Variants in LIPI observed in about 807,000 individuals in gnomAD.
LIPI encodes lipase I.
LIPI carries 59 observed loss-of-function variants against 50.6 expected under a neutral mutation model. The ratio of observed to expected loss-of-function variants is 1.16; its 90% CI spans 0.94 to 1.45. LIPI has a LOEUF of 1.45. LIPI is among the 40% of genes most tolerant of loss of function. LIPI has a pLI of 0.00. For missense variants in LIPI, 586 were observed against 536.3 expected (o/e 1.09, Z -0.92); for synonymous variants, 203 against 178.2 (o/e 1.14, Z -1.11).
rs757762946 is a variant in LIPI, at chr21:14,108,973, A to G, written c.*20T>C. On this transcript the variant is annotated 3_prime_UTR_variant, in exon 10 of 10. Coordinates refer to ENST00000681601, the MANE Select transcript of LIPI (RefSeq NM_001302998.2). Reference sequence around the variant, plus strand: ...AGTCCATTAATTCACAAGCAAGTGCATTTGATGGAAGAAGGCATCTTATGT... The same window carrying G: ...AGTCCATTAATTCACAAGCAAGTGCGTTTGATGGAAGAAGGCATCTTATGT... 3 of 1,611,238 alleles carry G rather than the reference A, an allele frequency of 1.9e-6. No individual in the cohort carries two copies. The highest frequency in any genetic ancestry group is 2.5e-6 in the Non-Finnish European group (3 of 1,177,880).
Position 14,152,701 on chromosome 21 carries a change from T to C in LIPI, c.1007-17A>G, listed in dbSNP as rs1314000243. The C allele has an allele frequency of 2.4e-6, 3 of 1,233,804 alleles. No individual in the cohort carries two copies. The highest frequency in any genetic ancestry group is 3.6e-6 in the Non-Finnish European group (3 of 840,526). The allele number at this position is 1,233,804 out of a possible 1,614,324, so 76.4% of individuals were successfully genotyped here. A position where few individuals can be genotyped will look rare whatever the true frequency, so the allele number is the denominator to read the frequency against. ...AATAATAGGCTACAAAATAAAAATA[T>C]AGAATACAACTCACATTATTTTTTA... On this transcript the variant is annotated splice_polypyrimidine_tract_variant and intron_variant, in intron 7 of 9. Transcript: ENST00000681601.
intron 2 of LIPI, among the ~76,000 whole-genome samples, chr21:14,186,667 A>G (rs2019467096): frequency 6.6e-6 from 1 of 152,186 alleles, no homozygotes; most frequent in Non-Finnish European, 1.5e-5. Flanking sequence ...CTAATCCCCA[A>G]GGTGATGATA....
chr21:14,150,804 C>T (rs1323059338), intron 8 of LIPI, among the ~76,000 whole-genome samples: 2 of 151,998 alleles, frequency 1.3e-5, no homozygotes, highest in East Asian at 1.9e-4. Flanking sequence ...TGGGTCTTGA[C>T]GAAAGTCAAG....
chr21:14,190,816 C>T (rs187860486), intron 1 of LIPI, among the ~76,000 whole-genome samples: 9 of 152,234 alleles, frequency 5.9e-5, no homozygotes, highest in Admixed American at 3.3e-4. Context: ...CACCTTCTCA[C>T]CACCTGGAAT....
intron 9 of LIPI, among the ~76,000 whole-genome samples, chr21:14,115,632 A>T (rs1195770660): frequency 6.6e-6 from 1 of 152,154 alleles, no homozygotes; most frequent in African/African-American, 2.4e-5. Flanking sequence ...TCTTGGCACC[A>T]CTGAGTAACA....
intron 8 of LIPI, among the ~76,000 whole-genome samples, chr21:14,152,159 G>T (rs183868238): frequency 6.6e-6 from 1 of 151,588 alleles, no homozygotes; most frequent in Non-Finnish European, 1.5e-5. Context: ...GGAGGGCAGC[G>T]GTGCAATCTC....
rs2016294891 is a variant in LIPI at position 14,108,889 on chromosome 21, AC to A, written c.*103del. On this transcript the variant is annotated 3_prime_UTR_variant, in exon 10 of 10. Coordinates refer to ENST00000681601, the MANE Select transcript of LIPI (RefSeq NM_001302998.2). ...AAAATTTTTTCCAAGAAATAGAAAT[AC>A]TTGAATCTCAAATTGAACAGTGCAT... The A allele has an allele frequency of 2.2e-6, 3 of 1,390,120 alleles. No individual in the cohort carries two copies. The South Asian group carries it at 3.8e-5, about 17-fold the overall frequency. 86.1% of individuals were successfully genotyped at this position (1,390,120 alleles called of 1,614,324 possible).
intron 1 of LIPI, among the ~76,000 whole-genome samples, chr21:14,193,373 G>C (rs1358671161): frequency 2.0e-5 from 3 of 152,006 alleles, no homozygotes; most frequent in Admixed American, 1.3e-4. Flanking sequence ...TAATAACAAA[G>C]TGGTAAAAAT....
chr21:14,199,830 G>A (rs909901605), intron 1 of LIPI, among the ~76,000 whole-genome samples: 3 of 151,946 alleles, frequency 2.0e-5, no homozygotes, highest in Non-Finnish European at 4.4e-5. Context: ...TATCATTGAT[G>A]AATATCAATG....
intron 9 of LIPI, among the ~76,000 whole-genome samples, chr21:14,128,846 T>C (rs935787571): frequency 6.6e-6 from 1 of 152,116 alleles, no homozygotes; most frequent in Non-Finnish European, 1.5e-5. Context: ...CTAACTTTCT[T>C]AGTCAACTGT....
At chr21:14,175,066 AC>A (rs1568868141) in intron 4 of LIPI, among the ~76,000 whole-genome samples, 1 of 152,154 alleles carries the variant, frequency 6.6e-6, no homozygotes, top group Non-Finnish European at 1.5e-5. Flanking sequence ...ACATATCACA[AC>A]TTATTTTTCC....
rs1218881634 is a variant in LIPI, at chr21:14,181,772, T to G, written c.629A>C (p.His210Pro). The G allele has an allele frequency of 6.2e-7, 1 of 1,601,252 alleles. No homozygotes were observed. Among genetic ancestry groups the G allele is most frequent in the African/African-American group, 1.3e-5 (1 of 74,778 alleles). Residue 210 changes from histidine to proline, a missense_variant, in exon 4 of 10, where the codon CAT (histidine) becomes CCT (proline). Physicochemically the swap from His to Pro is moderately conservative, Grantham distance 77 (BLOSUM62 -2). Transcript: ENST00000681601. ...YTDAKFVDVIHSDSNGLGIQE... is the reference protein window; with the variant it reads ...YTDAKFVDVIPSDSNGLGIQE... ...TGATTTGTTACCATTGGAGTCAGAA[T>G]GGATGACATCCACAAACTTTGCATC...
intron 4 of LIPI, among the ~76,000 whole-genome samples, chr21:14,174,783 G>A (rs1045485136): frequency 6.6e-6 from 1 of 152,106 alleles, no homozygotes; most frequent in African/African-American, 2.4e-5. Flanking sequence ...TCGAACTCCT[G>A]ACCTCGTGAT....
chr21:14,167,161 G>T lies in LIPI; in HGVS notation c.644-710C>A, dbSNP rs143630220. Among the ~76,000 whole-genome samples, 1,327 of 152,328 alleles carry T rather than the reference G, an allele frequency of 8.7e-3. 14 individuals carry two copies. The highest frequency in any genetic ancestry group is 0.03 in the African/African-American group (1,234 of 41,570). On this transcript the variant is annotated intron_variant, in intron 4 of 9. Coordinates refer to ENST00000681601, the MANE Select transcript of LIPI (RefSeq NM_001302998.2). ...GCAAGGCGGCAGCAAGGCTGGGGGA[G>T]GGGTGCCTGCCATTGCCCAGGCTTG... is the stretch of plus-strand genomic sequence containing the variant.
chr21:14,192,355 C>T (rs1449922303), intron 1 of LIPI, among the ~76,000 whole-genome samples: 1 of 152,060 alleles, frequency 6.6e-6, no homozygotes, highest in Non-Finnish European at 1.5e-5. Context: ...ATCCCAGCTA[C>T]TTGGGAGGCT....
At chr21:14,163,652 A>G in intron 6 of LIPI, 129 bp from the exon 7 acceptor site, 1 of 636,674 alleles carries the variant, frequency 1.6e-6, no homozygotes, top group Non-Finnish European at 2.8e-6. Context: ...TTGATAACTT[A>G]AAAAGCATTT....
At chr21:14,207,367 A>G (rs1003126631) in intron 1 of LIPI, among the ~76,000 whole-genome samples, 1 of 152,192 alleles carries the variant, frequency 6.6e-6, no homozygotes, top group East Asian at 1.9e-4. Flanking sequence ...TTACTTTGAT[A>G]TGATCACTAT....
Position 14,189,380 on chromosome 21 carries a change from A to C in LIPI, c.86T>G (p.Val29Gly). 6.2e-7 allele frequency: 1 copy of C among 1,612,806 alleles called. No homozygotes were observed. Among genetic ancestry groups the C allele is most frequent in the Non-Finnish European group, 8.5e-7 (1 of 1,178,936 alleles). Residue 29 changes from valine to glycine, a missense_variant, in exon 2 of 10, where the codon GTA becomes GGA. Coordinates refer to ENST00000681601, the MANE Select transcript of LIPI (RefSeq NM_001302998.2). ...AAATAAATCTCTGAAGGAATCCTTT[A>C]CACTTAGCTGAGAGAATTCAAGGCA... ...RPCLEFSQLS[V>G]KDSFRDLFIP...
intron 4 of LIPI, among the ~76,000 whole-genome samples, chr21:14,171,392 G>A (rs2018900741): frequency 6.6e-6 from 1 of 150,464 alleles, no homozygotes; most frequent in Non-Finnish European, 1.5e-5. Flanking sequence ...AACCAAAAAA[G>A]AGCCCGCATC....
Sources: allele counts gnomAD v4.1 joint callset (sites outside exome capture counted in the v4.1 genomes callset), GRCh38; gene constraint gnomAD v4.1.1; transcripts MANE v1.5; gene names NCBI Gene and HGNC (gene_info 2026-07-23, HGNC 2026-07-21).